NEBL: variants seen among roughly 807,000 people sequenced by gnomAD.
The protein encoded by NEBL is LIM and SH3 protein 2.
A neutral mutation model predicts 140.2 loss-of-function variants in NEBL; 122 were observed. The observed-to-expected ratio is 0.87, with a 90% CI of 0.75 to 1.01. NEBL has a LOEUF of 1.01. Ranked by LOEUF, NEBL falls within the 50% of genes least tolerant of loss-of-function variation. The pLI is 0.00. For missense variants in NEBL, 1,365 were observed against 1,231.3 expected (o/e 1.11, Z -1.62); for synonymous variants, 436 against 398.9 (o/e 1.09, Z -1.11).
At chr10:20,993,532 G>A (rs1837551007) in intron 3 of NEBL, among the ~76,000 whole-genome samples, 1 of 152,172 alleles carries the variant, frequency 6.6e-6, no homozygotes, top group African/African-American at 2.4e-5. Flanking sequence ...TTAGGTTTCA[G>A]GGTGGCTTTA....
At chr10:20,984,447 G>A (rs1009102314) in intron 3 of NEBL, among the ~76,000 whole-genome samples, 1 of 152,110 alleles carries the variant, frequency 6.6e-6, no homozygotes, top group African/African-American at 2.4e-5. Flanking sequence ...CTAGAGAGAA[G>A]GCAAATTGGT....
At chr10:21,079,481 A>G (rs1836267719) in intron 2 of NEBL, among the ~76,000 whole-genome samples, 1 of 152,216 alleles carries the variant, frequency 6.6e-6, no homozygotes, top group Non-Finnish European at 1.5e-5. Flanking sequence ...GAGTGGGCAC[A>G]CAGAATTTGT....
At chr10:21,148,504 G>A (rs767938793) in intron 2 of NEBL, among the ~76,000 whole-genome samples, 1 of 151,958 alleles carries the variant, frequency 6.6e-6, no homozygotes, top group Non-Finnish European at 1.5e-5. Flanking sequence ...CTCCTTTTTT[G>A]TTGTCGTTGT....
At chr10:20,958,952 C>T (rs1835930369) in intron 4 of NEBL, among the ~76,000 whole-genome samples, 1 of 152,138 alleles carries the variant, frequency 6.6e-6, no homozygotes, top group Non-Finnish European at 1.5e-5. Context: ...CCTCAATAAA[C>T]AAACATGAGA....
At chr10:21,031,863 A>G (rs1833810957) in intron 2 of NEBL, among the ~76,000 whole-genome samples, 1 of 152,244 alleles carries the variant, frequency 6.6e-6, no homozygotes, top group East Asian at 1.9e-4. Flanking sequence ...CCTATAAAAA[A>G]ATTTTAAAAC....
intron 3 of NEBL, among the ~76,000 whole-genome samples, chr10:21,197,805 C>G (rs754009696): frequency 5.9e-5 from 9 of 152,212 alleles, no homozygotes; most frequent in Admixed American, 1.3e-4. Context: ...CTGATGTCGG[C>G]TGGTCTTTGA....
chr10:20,860,580 A>AAAC (rs1843601192), intron 7 of NEBL, among the ~76,000 whole-genome samples: 3 of 150,152 alleles, frequency 2.0e-5, no homozygotes, highest in African/African-American at 2.4e-5. Flanking sequence ...AAAAAAAAAA[A>AAAC]AAAAAAACCT....
At chr10:20,928,556 A>G (rs1046541769) in intron 4 of NEBL, among the ~76,000 whole-genome samples, 1 of 152,258 alleles carries the variant, frequency 6.6e-6, no homozygotes. Context: ...ATGAGAATAC[A>G]GAAAGCAGAA....
At chr10:20,933,462 G>A (rs555986495) in intron 4 of NEBL, among the ~76,000 whole-genome samples, 13 of 152,280 alleles carry the variant, frequency 8.5e-5, no homozygotes, top group South Asian at 4.1e-4. Flanking sequence ...GGCCGGGTGC[G>A]GTGGCTCATA....
chr10:21,088,813 T>C (rs1384213877), intron 2 of NEBL, among the ~76,000 whole-genome samples: 3 of 152,204 alleles, frequency 2.0e-5, no homozygotes, highest in Non-Finnish European at 2.9e-5. Context: ...ATAAGAAGTA[T>C]CTGCCAACCC....
chr10:21,017,782 C>T (rs1408901095), intron 3 of NEBL, among the ~76,000 whole-genome samples: 1 of 151,678 alleles, frequency 6.6e-6, no homozygotes, highest in Non-Finnish European at 1.5e-5. Context: ...TCACATCTGG[C>T]ACAAAGCACT....
chr10:21,115,971 A>C (rs1057498689), intron 2 of NEBL, among the ~76,000 whole-genome samples: 2 of 151,908 alleles, frequency 1.3e-5, no homozygotes, highest in African/African-American at 4.8e-5. Context: ...TTCATTTTAG[A>C]TAATTGCTAT....
At chr10:20,944,815 C>A (rs1835076817) in intron 4 of NEBL, among the ~76,000 whole-genome samples, 1 of 152,138 alleles carries the variant, frequency 6.6e-6, no homozygotes, top group Non-Finnish European at 1.5e-5. Flanking sequence ...TACAAGAAAT[C>A]ATAATTGTTT....
At chr10:21,222,156 G>C (rs1389384312) in intron 3 of NEBL, among the ~76,000 whole-genome samples, 1 of 151,958 alleles carries the variant, frequency 6.6e-6, no homozygotes, top group East Asian at 1.9e-4. Context: ...AAAAAGTTTA[G>C]TGATTTGGAC....
At position 20,831,092 on chromosome 10, in the gene NEBL, T is replaced by C. The variant is rs79358035; in HGVS notation, c.1671+104A>G. The C allele has an allele frequency of 8.5e-4, 730 of 861,588 alleles. 2 individuals carry two copies. The African/African-American group carries it at 0.011, about 13-fold the overall frequency. 53.4% of individuals were successfully genotyped at this position (861,588 alleles called of 1,614,324 possible). A position where few individuals can be genotyped will look rare whatever the true frequency, so the allele number is the denominator to read the frequency against. On this transcript the variant is annotated intron_variant, in intron 16 of 27. Transcript: ENST00000377122. Reference sequence around the variant, plus strand: ...TCTTAGTGAAAGAGTACACTAGCTCTGAATGCAATGCCCTCAGAAAGATAT... The same window carrying C: ...TCTTAGTGAAAGAGTACACTAGCTCCGAATGCAATGCCCTCAGAAAGATAT...
intron 2 of NEBL, among the ~76,000 whole-genome samples, chr10:21,057,198 G>T (rs547960767): frequency 1.4e-4 from 21 of 151,906 alleles, no homozygotes; most frequent in Admixed American, 1.2e-3. Context: ...TAACAGAGAG[G>T]TTATATGGGG....
At chr10:20,806,452 T>C (rs967146850) in intron 26 of NEBL, among the ~76,000 whole-genome samples, 1 of 152,136 alleles carries the variant, frequency 6.6e-6, no homozygotes, top group African/African-American at 2.4e-5. Flanking sequence ...AACATTTTTC[T>C]CCCAAAGCCC....
Position 20,896,953 on chromosome 10 carries a change from C to T in NEBL, c.153+5G>A, listed in dbSNP as rs766864066. 1.9e-6 allele frequency: 3 copies of T among 1,613,336 alleles called. No homozygotes were observed. The highest frequency in any genetic ancestry group is 2.5e-6 in the Non-Finnish European group (3 of 1,179,472). Reference sequence around the variant, plus strand: ...AATAAGACAAAAATTACTCCAGCCACTTACATCGCTAATGAGTTCCGTGCA... The same window carrying T: ...AATAAGACAAAAATTACTCCAGCCATTTACATCGCTAATGAGTTCCGTGCA... On this transcript the variant is annotated splice_donor_5th_base_variant and intron_variant, in intron 2 of 27. Transcript: ENST00000377122.
chr10:20,952,071 C>T (rs751895948), intron 4 of NEBL, among the ~76,000 whole-genome samples: 5 of 152,208 alleles, frequency 3.3e-5, no homozygotes, highest in East Asian at 1.9e-4. Flanking sequence ...AACTTCACTA[C>T]ACTCTAAAGT....
Sources: allele counts gnomAD v4.1 joint callset (sites outside exome capture counted in the v4.1 genomes callset), GRCh38; gene constraint gnomAD v4.1.1; transcripts MANE v1.5; gene names NCBI Gene and HGNC (gene_info 2026-07-23, HGNC 2026-07-21).